Variants in CDK14 observed in about 807,000 individuals in gnomAD.
The protein encoded by CDK14 is cyclin dependent kinase 14.
A neutral mutation model predicts 60.7 loss-of-function variants in CDK14; 34 were observed. That is an observed-to-expected ratio of 0.56 (90% CI 0.43 to 0.75). CDK14 has a LOEUF of 0.75. Among genes scored for constraint, CDK14 ranks in the 30% least tolerant of loss-of-function variants. The pLI, the probability that CDK14 is intolerant of heterozygous loss-of-function variation, is 0.00. For missense variants in CDK14, 482 were observed against 564.1 expected (o/e 0.85, Z 1.47); for synonymous variants, 197 against 203.7 (o/e 0.97, Z 0.28).
At chr7:90,970,229 G>T (rs990178187) in intron 9 of CDK14, among the ~76,000 whole-genome samples, 1 of 152,112 alleles carries the variant, frequency 6.6e-6, no homozygotes, top group Admixed American at 6.5e-5. Context: ...GCTTCCCAAA[G>T]TGCCGGGATT....
At chr7:91,068,211 G>T (rs1562890736) in intron 11 of CDK14, among the ~76,000 whole-genome samples, 1 of 152,162 alleles carries the variant, frequency 6.6e-6, no homozygotes, top group Non-Finnish European at 1.5e-5. Context: ...AATAAACTCA[G>T]AAATTAGACA....
chr7:90,624,208 C>T (rs1454659189), intron 2 of CDK14, among the ~76,000 whole-genome samples: 1 of 152,116 alleles, frequency 6.6e-6, no homozygotes, highest in Non-Finnish European at 1.5e-5. Context: ...GGTTTCCTGC[C>T]CTCTCACCCT....
intron 12 of CDK14, among the ~76,000 whole-genome samples, chr7:91,102,031 A>G (rs1799159163): frequency 6.6e-6 from 1 of 152,182 alleles, no homozygotes; most frequent in African/African-American, 2.4e-5. Flanking sequence ...AAACAGACAG[A>G]CTTGTCTTTA....
At chr7:90,801,481 A>T (rs1788629077) in intron 5 of CDK14, among the ~76,000 whole-genome samples, 1 of 152,162 alleles carries the variant, frequency 6.6e-6, no homozygotes, top group Non-Finnish European at 1.5e-5. Flanking sequence ...AGTGAGTATG[A>T]TTGAGACATT....
At chr7:91,205,757 G>A (rs1311077029) in intron 14 of CDK14, among the ~76,000 whole-genome samples, 3 of 152,126 alleles carry the variant, frequency 2.0e-5, no homozygotes, top group Admixed American at 6.5e-5. Flanking sequence ...GTAAGTGGGG[G>A]AAATGAGCAG....
At chr7:90,900,676 C>T (rs963575513) in intron 7 of CDK14, among the ~76,000 whole-genome samples, 5 of 152,106 alleles carry the variant, frequency 3.3e-5, no homozygotes, top group East Asian at 1.9e-4. Flanking sequence ...CCACTGGCCC[C>T]GGGGAGCTCA....
chr7:91,176,141 C>G lies in CDK14; in HGVS notation c.*29-31024C>G, dbSNP rs565805782. 5.3e-5 allele frequency among the ~76,000 whole-genome samples: 8 copies of G among 151,630 alleles called. No individual in the cohort carries two copies. The East Asian group carries it at 1.2e-3, about 22-fold the overall frequency. On this transcript the variant is annotated intron_variant, in intron 14 of 14. Transcript: ENST00000380050. ...ACCACAGTGCAATCAAACTAGAACTCAGGATTAAGAATCTCACTCAAAACT... is the reference window on the plus strand; with the variant it reads ...ACCACAGTGCAATCAAACTAGAACTGAGGATTAAGAATCTCACTCAAAACT...
chr7:90,781,341 G>A (rs1203087080), intron 4 of CDK14, among the ~76,000 whole-genome samples: 23 of 152,072 alleles, frequency 1.5e-4, no homozygotes, highest in Admixed American at 1.2e-3. Flanking sequence ...AGTAGGTTGC[G>A]AAAATTTTCT....
intron 5 of CDK14, among the ~76,000 whole-genome samples, chr7:90,850,481 G>T (rs1480188188): frequency 6.6e-6 from 1 of 152,168 alleles, no homozygotes; most frequent in Non-Finnish European, 1.5e-5. Context: ...CAACACTGCT[G>T]AGAGAAGGTT....
At chr7:90,866,021 C>A (rs1282242595) in intron 6 of CDK14, among the ~76,000 whole-genome samples, 1 of 152,050 alleles carries the variant, frequency 6.6e-6, no homozygotes, top group East Asian at 1.9e-4. Context: ...TTCCTTTATT[C>A]TACACTTAAT....
At chr7:90,698,081 A>AAAAG (rs1801702563) in intron 2 of CDK14, among the ~76,000 whole-genome samples, 1 of 150,156 alleles carries the variant, frequency 6.7e-6, no homozygotes, top group Admixed American at 6.6e-5. Flanking sequence ...AAAAAAAAAA[A>AAAAG]AAAAAAAAGA....
chr7:91,164,332 C>A (rs1801274849), intron 14 of CDK14, among the ~76,000 whole-genome samples: 1 of 152,058 alleles, frequency 6.6e-6, no homozygotes, highest in Non-Finnish European at 1.5e-5. Flanking sequence ...TGCCTATATG[C>A]CAGGCCCTAT....
In CDK14 at chr7:90,844,112, C is replaced by T. The variant is rs1230797974; in HGVS notation, c.545-19063C>T. On this transcript the variant is annotated intron_variant, in intron 5 of 14. Transcript: ENST00000380050. ...AACAGAGAAACAGAGCAATAACATG[C>T]CTTGCAAGTTTAGCCAGAAAGATTT... Among the ~76,000 whole-genome samples the T allele has an allele frequency of 5.9e-5, 9 of 152,146 alleles. No individual in the cohort carries two copies. The East Asian group carries it at 1.3e-3, about 23-fold the overall frequency.
At chr7:90,974,402 A>C (rs1310940132) in intron 9 of CDK14, among the ~76,000 whole-genome samples, 1 of 152,186 alleles carries the variant, frequency 6.6e-6, no homozygotes, top group African/African-American at 2.4e-5. Context: ...TAAGAGATTA[A>C]GACAGGCATA....
At chr7:90,791,993 C>T (rs35542950) in intron 5 of CDK14, among the ~76,000 whole-genome samples, 30,992 of 151,122 alleles carry the variant, frequency 0.21, 3,323 homozygotes, top group South Asian at 0.24. Context: ...ACCTCTGTCT[C>T]CCCGGTTCAA....
chr7:90,779,401 T>C (rs1386932964), intron 4 of CDK14, among the ~76,000 whole-genome samples: 2 of 152,172 alleles, frequency 1.3e-5, no homozygotes, highest in Admixed American at 1.3e-4. Context: ...TACAGGCACG[T>C]GCCACCATGC....
intron 9 of CDK14, among the ~76,000 whole-genome samples, chr7:90,962,692 AT>A (rs1794636416): frequency 6.6e-6 from 1 of 152,172 alleles, no homozygotes; most frequent in Non-Finnish European, 1.5e-5. Context: ...AAATTTCCCC[AT>A]TTTAAATCAA....
At chr7:91,069,881 C>G (rs535013869) in intron 11 of CDK14, among the ~76,000 whole-genome samples, 8 of 152,294 alleles carry the variant, frequency 5.3e-5, no homozygotes, top group Non-Finnish European at 8.8e-5. Flanking sequence ...AGTGCAGCCT[C>G]TACCTTCCAA....
intron 10 of CDK14, among the ~76,000 whole-genome samples, chr7:91,011,643 C>T (rs1796161749): frequency 6.6e-6 from 1 of 152,036 alleles, no homozygotes; most frequent in South Asian, 2.1e-4. Context: ...TTTTCTGTCT[C>T]TTTTCCCTAC....
Sources: allele counts gnomAD v4.1 joint callset (sites outside exome capture counted in the v4.1 genomes callset), GRCh38; gene constraint gnomAD v4.1.1; transcripts MANE v1.5; gene names NCBI Gene and HGNC (gene_info 2026-07-23, HGNC 2026-07-21).